Variants in PCCA observed in about 807,000 individuals in gnomAD.
PCCA encodes the protein propionyl-CoA carboxylase subunit alpha.
PCCA carries 74 observed loss-of-function variants against 101.3 expected under a neutral mutation model. That is an observed-to-expected ratio of 0.73 (90% confidence interval 0.61 to 0.89). The LOEUF (loss-of-function observed/expected upper bound fraction) is 0.89. PCCA is among the 40% of genes least tolerant of loss of function. PCCA has a pLI of 0.00. For missense variants in PCCA, 891 were observed against 907.0 expected, an observed-to-expected ratio of 0.98 and a Z score of 0.23; for synonymous variants, 294 against 313.6, an observed-to-expected ratio of 0.94 and a Z score of 0.66.
chr13:100,106,956 C>T (rs1014613026), intron 2 of PCCA, among the ~76,000 whole-genome samples: 4 of 152,142 alleles, frequency 2.6e-5, no homozygotes, highest in South Asian at 2.1e-4. Flanking sequence ...CTAAGTTGGT[C>T]GCTTCACCCT....
intron 16 of PCCA, among the ~76,000 whole-genome samples, chr13:100,310,589 C>G (rs1463800027): frequency 4.6e-5 from 7 of 152,118 alleles, no homozygotes; most frequent in Non-Finnish European, 7.4e-5. Flanking sequence ...TTGGTCCCAA[C>G]TAGAAGTTAT....
intron 17 of PCCA, among the ~76,000 whole-genome samples, chr13:100,337,306 A>C (rs1389516488): frequency 6.6e-6 from 1 of 152,174 alleles, no homozygotes; most frequent in Non-Finnish European, 1.5e-5. Context: ...ACCTTAGCTT[A>C]CTAGCCCAGA....
chr13:100,153,459 A>G (rs2053572436), intron 4 of PCCA, among the ~76,000 whole-genome samples: 1 of 152,234 alleles, frequency 6.6e-6, no homozygotes, highest in Non-Finnish European at 1.5e-5. Context: ...GGACAATAAA[A>G]CAAGTGTGGA....
chr13:100,387,052 A>G (rs1383498313), intron 19 of PCCA, among the ~76,000 whole-genome samples: 1 of 152,142 alleles, frequency 6.6e-6, no homozygotes, highest in African/African-American at 2.4e-5. Context: ...CGGGGAAGCA[A>G]TCAGAAAAGC....
At chr13:100,231,083 C>CT (rs904484971) in intron 7 of PCCA, among the ~76,000 whole-genome samples, 1 of 152,202 alleles carries the variant, frequency 6.6e-6, no homozygotes, top group Admixed American at 6.5e-5. Flanking sequence ...TTTCAGGAAT[C>CT]TATTTTTGGA....
chr13:100,177,486 AT>A (rs2056342874), intron 6 of PCCA, among the ~76,000 whole-genome samples: 1 of 152,154 alleles, frequency 6.6e-6, no homozygotes, highest in African/African-American at 2.4e-5. Context: ...TCTGTTGTCT[AT>A]TATTTAGTAA....
At chr13:100,109,563 G>A (rs1003340022) in intron 2 of PCCA, among the ~76,000 whole-genome samples, 17 of 152,182 alleles carry the variant, frequency 1.1e-4, no homozygotes, top group Middle Eastern at 3.2e-3. Context: ...TTAAGAAAGT[G>A]TAAACATTGT....
intron 9 of PCCA, among the ~76,000 whole-genome samples, chr13:100,259,221 T>A (rs2062283798): frequency 6.6e-6 from 1 of 151,914 alleles, no homozygotes; most frequent in Non-Finnish European, 1.5e-5. Flanking sequence ...TCCTAAGGGG[T>A]GTCTTTTTCT....
rs370402818 is a variant in PCCA at position 100,209,346 on chromosome 13, C to T, written c.483C>T (p.Val161=). 167 of 1,613,392 alleles carry T rather than the reference C, an allele frequency of 1.0e-4. No homozygotes were observed. Among genetic ancestry groups the T allele is most frequent in the Non-Finnish European group, 1.4e-4 (160 of 1,179,548 alleles). ...TTTCTCCACAGGCAGCAGAAGATGTCGTTTTCATTGGACCTGACACACATG... is the reference window on the plus strand; with the variant it reads ...TTTCTCCACAGGCAGCAGAAGATGTTGTTTTCATTGGACCTGACACACATG... The part of the protein sequence containing the change: ...EFARCLAAED[V]VFIGPDTHAI... The change falls in exon 7 of 24, where the codon GTC becomes GTT. Residue 161 remains valine (V), a synonymous_variant. Transcript: ENST00000376285.
chr13:100,152,318 CTT>C (rs1255377422), intron 4 of PCCA, among the ~76,000 whole-genome samples: 1 of 147,676 alleles, frequency 6.8e-6, no homozygotes, highest in Non-Finnish European at 1.5e-5. Flanking sequence ...TTTTGACCTG[CTT>C]TTAATGCATG....
At chr13:100,164,149 A>G (rs2054792299) in intron 6 of PCCA, among the ~76,000 whole-genome samples, 1 of 152,226 alleles carries the variant, frequency 6.6e-6, no homozygotes, top group Admixed American at 6.5e-5. Context: ...TGATCTGTCA[A>G]ATTTAAAATA....
chr13:100,164,203 G>A (rs1043737232), intron 6 of PCCA, among the ~76,000 whole-genome samples: 5 of 152,126 alleles, frequency 3.3e-5, no homozygotes, highest in African/African-American at 1.2e-4. Context: ...GAGAATCACA[G>A]AATTGGAATT....
intron 16 of PCCA, among the ~76,000 whole-genome samples, chr13:100,328,410 GATA>G (rs1227585271): frequency 1.8e-4 from 26 of 146,270 alleles, no homozygotes; most frequent in African/African-American, 5.8e-4. Flanking sequence ...TAATAATGAT[GATA>G]ATAATAATAT....
At chr13:100,183,495 T>C (rs2056980399) in intron 6 of PCCA, among the ~76,000 whole-genome samples, 1 of 152,104 alleles carries the variant, frequency 6.6e-6, no homozygotes, top group African/African-American at 2.4e-5. Flanking sequence ...CAGGAGAGGA[T>C]AGCTGGCCAT....
chr13:100,214,382 A>G (rs2059392415), intron 7 of PCCA, among the ~76,000 whole-genome samples: 2 of 151,094 alleles, frequency 1.3e-5, no homozygotes, highest in South Asian at 4.2e-4. Flanking sequence ...TGTCCTTTTC[A>G]ATTTCTCGCA....
chr13:100,098,515 G>A (rs746227125), intron 1 of PCCA, among the ~76,000 whole-genome samples: 14 of 152,248 alleles, frequency 9.2e-5, no homozygotes, highest in African/African-American at 2.6e-4. Flanking sequence ...AGGCAGGGTC[G>A]GGGGAGCTCT....
chr13:100,489,828 C>A (rs1167298816), intron 21 of PCCA: 1 of 152,104 alleles, frequency 6.6e-6, no homozygotes, highest in Non-Finnish European at 1.5e-5. Flanking sequence ...CCAAGAATTA[C>A]GGGGTTCATG....
chr13:100,089,144 A>G lies in PCCA; in HGVS notation c.24A>G (p.Thr8=), dbSNP rs117397004. The G allele has an allele frequency of 6.1e-4, 932 of 1,522,960 alleles. 17 individuals are homozygous for G. In the East Asian group the frequency reaches 0.023, roughly 38 times the overall value. The allele number at this position is 1,522,960 out of a possible 1,614,324, so 94.3% of individuals were successfully genotyped here. MAGFWVG[T]APLVAAGRRG... is the part of the protein sequence containing the mutation. ...CAATGGCGGGGTTCTGGGTCGGGAC[A>G]GCACCGCTGGTCGCTGCCGGACGGC... is the stretch of plus-strand genomic sequence containing the variant. The change falls in exon 1 of 24, where the codon ACA becomes ACG. Residue 8 remains threonine, a synonymous_variant. Coordinates refer to ENST00000376285, the MANE Select transcript of PCCA (RefSeq NM_000282.4).
At chr13:100,379,198 G>C (rs1178565855) in intron 19 of PCCA, among the ~76,000 whole-genome samples, 1 of 152,114 alleles carries the variant, frequency 6.6e-6, no homozygotes, top group East Asian at 1.9e-4. Context: ...TTCTTTGGCT[G>C]TAAACAGTAT....
Sources: gnomAD v4.1 joint callset for allele counts (sites outside exome capture counted in the v4.1 genomes callset) on GRCh38, gnomAD v4.1.1 for gene constraint, MANE v1.5 for transcripts, NCBI Gene and HGNC (gene_info 2026-07-23, HGNC 2026-07-21) for gene names.